SMARCC1: variants seen among roughly 807,000 people sequenced by gnomAD.
SMARCC1 encodes SWI/SNF related BAF chromatin remodeling complex subunit C1.
In SMARCC1, 43 loss-of-function variants were observed where a neutral mutation model predicts 147.4. The ratio of observed to expected loss-of-function variants is 0.29; its 90% confidence interval spans 0.23 to 0.38. SMARCC1 has a LOEUF of 0.38. Ranked by LOEUF, SMARCC1 falls within the 10% of genes least tolerant of loss-of-function variation. The pLI is 1.00. For missense variants in SMARCC1, 1,119 were observed against 1,381.1 expected (o/e 0.81, Z 3.01); for synonymous variants, 495 against 484.4 (o/e 1.02, Z -0.29).
At chr3:47,722,836 T>C (rs765229235) in intron 6 of SMARCC1, among the ~76,000 whole-genome samples, 18 of 152,164 alleles carry the variant, frequency 1.2e-4, no homozygotes, top group Non-Finnish European at 1.5e-5. Flanking sequence ...GCAGAGCCAC[T>C]GCAGAGGCAT....
At chr3:47,776,910 G>A (rs2034981323) in intron 1 of SMARCC1, among the ~76,000 whole-genome samples, 1 of 151,892 alleles carries the variant, frequency 6.6e-6, no homozygotes, top group Admixed American at 6.6e-5. Flanking sequence ...GAGTACCTGG[G>A]ATTACAGGCA....
intron 14 of SMARCC1, among the ~76,000 whole-genome samples, chr3:47,681,990 A>G (rs761190240): frequency 3.3e-5 from 5 of 152,168 alleles, no homozygotes; most frequent in Non-Finnish European, 7.3e-5. Flanking sequence ...TCTGTAAACT[A>G]TAATCTTACA....
intron 25 of SMARCC1, among the ~76,000 whole-genome samples, chr3:47,619,981 C>T (rs1184557114): frequency 6.6e-6 from 1 of 152,218 alleles, no homozygotes; most frequent in Non-Finnish European, 1.5e-5. Flanking sequence ...GATACTTAGG[C>T]AAATGTAAAT....
chr3:47,755,405 G>A (rs1222371061), intron 2 of SMARCC1, among the ~76,000 whole-genome samples: 1 of 150,000 alleles, frequency 6.7e-6, no homozygotes, highest in Non-Finnish European at 1.5e-5. Flanking sequence ...GCTGAGGCAG[G>A]AGAATGGCGT....
Position 47,675,570 on chromosome 3 carries a change from T to C in SMARCC1, c.1744A>G (p.Met582Val), listed in dbSNP as rs1266855754. The C allele has an allele frequency of 1.2e-6, 2 of 1,604,788 alleles. No homozygotes were observed. The highest frequency in any genetic ancestry group is 1.7e-6 in the Non-Finnish European group (2 of 1,171,618). ...TTGTTTTTCTCAGGAAAATTTAGCA[T>C]CTGTTGAGCAGCAGGAACCTGAGTC... ...RSPQVPAAQQ[M>V]LNFPEKNKEK... The change falls in exon 18 of 28, where the codon ATG becomes GTG. Residue 582 changes from methionine (M) to valine (V), a missense_variant. Physicochemically the swap from Met to Val is conservative, Grantham distance 21 (BLOSUM62 1). Coordinates refer to ENST00000254480, the MANE Select transcript of SMARCC1 (RefSeq NM_003074.4).
chr3:47,601,325 T>C (rs1261627276), intron 26 of SMARCC1, among the ~76,000 whole-genome samples: 3 of 151,980 alleles, frequency 2.0e-5, no homozygotes, highest in African/African-American at 7.3e-5. Context: ...GAAAGGAGGG[T>C]AGGAAAAGAA....
At chr3:47,728,819 G>C (rs1443555546) in intron 6 of SMARCC1, among the ~76,000 whole-genome samples, 1 of 152,166 alleles carries the variant, frequency 6.6e-6, no homozygotes, top group Non-Finnish European at 1.5e-5. Context: ...GCTGAGTCAG[G>C]AGAATCTCTT....
At chr3:47,618,376 T>C (rs1304271288) in intron 25 of SMARCC1, among the ~76,000 whole-genome samples, 1 of 148,824 alleles carries the variant, frequency 6.7e-6, no homozygotes, top group Non-Finnish European at 1.5e-5. Flanking sequence ...ATCTTGTCAA[T>C]ATTTAAAAAA....
chr3:47,615,606 T>C (rs1157027172), intron 25 of SMARCC1, among the ~76,000 whole-genome samples: 1 of 152,218 alleles, frequency 6.6e-6, no homozygotes, highest in African/African-American at 2.4e-5. Context: ...CTTCCTTAAG[T>C]ACAGGGTCTG....
chr3:47,730,572 G>A lies in SMARCC1; in HGVS notation c.577-1478C>T, dbSNP rs141902378. Among the ~76,000 whole-genome samples, 10 of 152,148 alleles carry A rather than the reference G, an allele frequency of 6.6e-5. No individual in the cohort carries two copies. The South Asian group carries it at 1.0e-3, about 16-fold the overall frequency. ...TAAAAATATTTTATTGCTAGAAAAC[G>A]CTAACAATAGCGGCTGGGTCCAGTG... On this transcript the variant is annotated intron_variant, in intron 5 of 27. Coordinates refer to ENST00000254480, the MANE Select transcript of SMARCC1 (RefSeq NM_003074.4).
chr3:47,743,467 CG>C (rs1417658911), intron 3 of SMARCC1, among the ~76,000 whole-genome samples: 1 of 151,970 alleles, frequency 6.6e-6, no homozygotes, highest in Non-Finnish European at 1.5e-5. Flanking sequence ...CCACTGCACC[CG>C]GCCTGTATTA....
intron 4 of SMARCC1, among the ~76,000 whole-genome samples, chr3:47,737,377 T>G (rs1159758063): frequency 6.6e-6 from 1 of 152,028 alleles, no homozygotes; most frequent in East Asian, 1.9e-4. Context: ...CCAGCCTGGG[T>G]GACAGAGTGA....
Position 47,693,251 on chromosome 3 carries a change from T to C in SMARCC1, c.1215A>G (p.Val405=). The C allele has an allele frequency of 1.9e-6, 3 of 1,584,136 alleles. No homozygotes were observed. The highest frequency in any genetic ancestry group is 2.6e-6 in the Non-Finnish European group (3 of 1,152,838). The part of the protein sequence containing the change: ...SENTPVKGGT[V]ADLDEQDEET... ...ATTTTAGGTGCTTACCTAGATCCGC[T>C]ACAGTTCCTCCTTTAACAGGTGTAT... The change falls in exon 12 of 28, where the codon GTA becomes GTG. Residue 405 remains valine, a synonymous_variant. Transcript: ENST00000254480.
intron 9 of SMARCC1, among the ~76,000 whole-genome samples, chr3:47,708,083 C>CTTTTTTTTTTT (rs915291740): frequency 1.7e-4 from 11 of 64,272 alleles, no homozygotes; most frequent in African/African-American, 4.0e-4. Flanking sequence ...AATTTTTTTT[C>CTTTTTTTTTTT]TTTTTTTTTT....
chr3:47,633,989 C>A (rs74486999), intron 24 of SMARCC1, among the ~76,000 whole-genome samples: 2 of 151,590 alleles, frequency 1.3e-5, no homozygotes, highest in African/African-American at 4.9e-5. Context: ...AGAGCAAAAC[C>A]GGACAAATGG....
chr3:47,705,744 T>C (rs1038687754), intron 10 of SMARCC1, among the ~76,000 whole-genome samples: 3 of 152,184 alleles, frequency 2.0e-5, no homozygotes, highest in Non-Finnish European at 4.4e-5. Flanking sequence ...AAGTCTAAAC[T>C]ATAAAAATTA....
At chr3:47,704,858 A>G (rs1174303742) in intron 10 of SMARCC1, among the ~76,000 whole-genome samples, 1 of 152,022 alleles carries the variant, frequency 6.6e-6, no homozygotes, top group Non-Finnish European at 1.5e-5. Context: ...TGGAGGCTGC[A>G]ATGGGCCAAG....
At chr3:47,717,979 A>AC (rs1167319030) in intron 7 of SMARCC1, among the ~76,000 whole-genome samples, 50 of 150,086 alleles carry the variant, frequency 3.3e-4, no homozygotes, top group Middle Eastern at 3.4e-3. Flanking sequence ...CATACAGAGC[A>AC]CCCCCCCTGC....
rs1479623280 is a variant in SMARCC1, at chr3:47,599,538, C to T, written c.3044-8701G>A. 3.3e-5 allele frequency among the ~76,000 whole-genome samples: 5 copies of T among 152,198 alleles called. No homozygotes were observed. In the East Asian group the frequency reaches 7.7e-4, roughly 23 times the overall value. On this transcript the variant is annotated intron_variant, in intron 26 of 27. Coordinates refer to ENST00000254480, the MANE Select transcript of SMARCC1 (RefSeq NM_003074.4). ...TATCCCTGTGGAAGAAAGGGAAGGACACAAAGATTAAGTAGCTTGCCCAAT... is the reference window on the plus strand; with the variant it reads ...TATCCCTGTGGAAGAAAGGGAAGGATACAAAGATTAAGTAGCTTGCCCAAT...
Sources: gnomAD v4.1 joint callset for allele counts (sites outside exome capture counted in the v4.1 genomes callset) on GRCh38, gnomAD v4.1.1 for gene constraint, MANE v1.5 for transcripts, NCBI Gene and HGNC (gene_info 2026-07-23, HGNC 2026-07-21) for gene names.